NINJ2: variants seen among roughly 807,000 people sequenced by gnomAD.
NINJ2 encodes ninjurin 2, also known as ninjurin-2.
A neutral mutation model predicts 11.7 loss-of-function variants in NINJ2; 12 were observed. The ratio of observed to expected loss-of-function variants is 1.02; its 90% CI spans 0.66 to 1.66. The LOEUF (loss-of-function observed/expected upper bound fraction) is 1.66, where lower values mean the gene tolerates loss of function less well. Ranked by LOEUF, NINJ2 falls within the 40% of genes most tolerant of loss-of-function variation. The pLI, the probability that NINJ2 is intolerant of heterozygous loss-of-function variation, is 0.00. For missense variants in NINJ2, 187 were observed against 181.8 expected, an observed-to-expected ratio of 1.03 and a Z score of -0.16; for synonymous variants, 93 against 76.8, an observed-to-expected ratio of 1.21 and a Z score of -1.10.
In NINJ2 at chr12:663,434, G is replaced by A. The variant is rs552805082; in HGVS notation, c.-74C>T. On this transcript the variant is annotated 5_prime_UTR_variant, in exon 1 of 4. In the 5' UTR this introduces an upstream ATG that the reference lacks. Transcript: ENST00000305108. ...TGCGTGGGCTCCTCCAGGCTCCGCC[G>A]TCTGAGTCTCTGCTGCTTTCTTCGG... is the stretch of plus-strand genomic sequence containing the variant. 19 of 1,613,978 alleles carry A rather than the reference G, an allele frequency of 1.2e-5. No individual in the cohort carries two copies. The East Asian group carries it at 1.6e-4, about 13-fold the overall frequency.
At chr12:565,769 G>C in intron 2 of NINJ2, 181 bp downstream of exon 2, 1 of 679,992 alleles carries the variant, frequency 1.5e-6, no homozygotes. Flanking sequence ...AGGACAGGGC[G>C]CCTGCCCTCG....
intron 1 of NINJ2, among the ~76,000 whole-genome samples, chr12:641,620 G>A (rs1332243087): frequency 6.6e-6 from 1 of 152,094 alleles, no homozygotes; most frequent in African/African-American, 2.4e-5. Flanking sequence ...CGAGGCAGGC[G>A]GATCACAAGG....
intron 1 of NINJ2, among the ~76,000 whole-genome samples, chr12:648,160 G>A (rs1254591500): frequency 1.3e-5 from 2 of 152,032 alleles, no homozygotes; most frequent in African/African-American, 4.8e-5. Flanking sequence ...TGCAACCTCC[G>A]CCTCCTGAGT....
In NINJ2 at chr12:632,232, T is replaced by C. The variant is rs947655311; in HGVS notation, c.33+31096A>G. On this transcript the variant is annotated intron_variant, in intron 1 of 3. Coordinates refer to ENST00000305108, the MANE Select transcript of NINJ2 (RefSeq NM_016533.6). ...CTTAAAGTCCTAACCAGCCCCAGGG[T>C]GTCTGAGGCACGCTGGTAAGTAGAA... 3 of 152,202 alleles carry C rather than the reference T, an allele frequency of 2.0e-5. No individual in the cohort carries two copies. In the East Asian group the frequency reaches 5.8e-4, roughly 29 times the overall value. 9.4% of individuals were successfully genotyped at this position (152,202 alleles called of 1,614,324 possible).
chr12:584,268 G>A (rs1474815620), intron 1 of NINJ2, among the ~76,000 whole-genome samples: 1 of 152,178 alleles, frequency 6.6e-6, no homozygotes, highest in Admixed American at 6.5e-5. Context: ...GGCCAGGTGC[G>A]GTGGCTCACA....
At chr12:568,525 G>A (rs1947332000) in intron 1 of NINJ2, among the ~76,000 whole-genome samples, 1 of 152,202 alleles carries the variant, frequency 6.6e-6, no homozygotes, top group Admixed American at 6.5e-5. Flanking sequence ...CACCTGCTCT[G>A]ATGGAATCCA....
rs144531728 is a variant in NINJ2 at position 651,510 on chromosome 12, C to G, written c.33+11818G>C. ...CACATTTTACCACCACATACTAAGG[C>G]CTATTTATGGCAGTTCCTTTTGCCT... On this transcript the variant is annotated intron_variant, in intron 1 of 3. Coordinates refer to ENST00000305108, the MANE Select transcript of NINJ2 (RefSeq NM_016533.6). Among the ~76,000 whole-genome samples the G allele has an allele frequency of 4.2e-3, 642 of 152,256 alleles. 5 individuals are homozygous for G. The highest frequency in any genetic ancestry group is 0.014 in the African/African-American group (594 of 41,526).
intron 1 of NINJ2, chr12:589,622 C>T (rs891912253): frequency 1.1e-4 from 16 of 152,182 alleles, no homozygotes; most frequent in African/African-American, 3.6e-4. Flanking sequence ...AAGACATCAT[C>T]CTGTTACAAT....
At chr12:652,425 G>C (rs947657131) in intron 1 of NINJ2, among the ~76,000 whole-genome samples, 1 of 152,134 alleles carries the variant, frequency 6.6e-6, no homozygotes, top group African/African-American at 2.4e-5. Flanking sequence ...ATTGAAAGAA[G>C]TTCTTTAGAA....
chr12:600,213 G>C, intron 1 of NINJ2, among the ~76,000 whole-genome samples: 1 of 152,150 alleles, frequency 6.6e-6, no homozygotes, highest in Non-Finnish European at 1.5e-5. Context: ...GGCTATGAGG[G>C]GAAAAGGTGG....
chr12:572,274 C>A (rs537396258), intron 1 of NINJ2, among the ~76,000 whole-genome samples: 1 of 152,328 alleles, frequency 6.6e-6, no homozygotes, highest in South Asian at 2.1e-4. Context: ...TTCCTGCCAG[C>A]CCTGAGAACA....
At chr12:644,481 G>T (rs1300907611) in intron 1 of NINJ2, 1 of 152,218 alleles carries the variant, frequency 6.6e-6, no homozygotes, top group Non-Finnish European at 1.5e-5. Context: ...TAAATAGACT[G>T]CAGGGCAAGG....
intron 1 of NINJ2, among the ~76,000 whole-genome samples, chr12:659,643 G>A (rs770851700): frequency 6.6e-6 from 1 of 152,178 alleles, no homozygotes; most frequent in Non-Finnish European, 1.5e-5. Context: ...AGTGCTGTGC[G>A]CCACTCTTCA....
intron 1 of NINJ2, among the ~76,000 whole-genome samples, chr12:627,084 C>CA (rs1158720667): frequency 2.0e-5 from 3 of 150,942 alleles, no homozygotes; most frequent in South Asian, 2.1e-4. Flanking sequence ...GACCCCATCT[C>CA]AAAAAAAAAT....
chr12:586,495 C>A (rs1264592644), intron 1 of NINJ2: 2 of 152,292 alleles, frequency 1.3e-5, no homozygotes, highest in African/African-American at 2.4e-5. Flanking sequence ...CAGGGAACAG[C>A]GCAAAATACA....
chr12:660,605 C>T (rs1476633804), intron 1 of NINJ2, among the ~76,000 whole-genome samples: 1 of 152,006 alleles, frequency 6.6e-6, no homozygotes, highest in Non-Finnish European at 1.5e-5. Flanking sequence ...TCCCAAAGTG[C>T]TGGGGTTACA....
chr12:581,116 T>C lies in NINJ2; in HGVS notation c.34-14938A>G, dbSNP rs1314815055. 6.6e-6 allele frequency among the ~76,000 whole-genome samples: 1 copy of C among 151,080 alleles called. No homozygotes were observed. Among genetic ancestry groups the C allele is most frequent in the Non-Finnish European group, 1.5e-5 (1 of 67,536 alleles). Reference sequence around the variant, plus strand: ...ATGTGTCTCTGTGTGTCTGTGTCTGTGTGTGCGTGTCTCTGTGCCTCTGTG... The same window carrying C: ...ATGTGTCTCTGTGTGTCTGTGTCTGCGTGTGCGTGTCTCTGTGCCTCTGTG... On this transcript the variant is annotated intron_variant, in intron 1 of 3. Coordinates refer to ENST00000305108, the MANE Select transcript of NINJ2 (RefSeq NM_016533.6). The surrounding 1 kb of genome is among the most constrained non-coding windows in gnomAD (Gnocchi z 4.9).
At chr12:608,532 C>A (rs998924092) in intron 1 of NINJ2, among the ~76,000 whole-genome samples, 1 of 152,204 alleles carries the variant, frequency 6.6e-6, no homozygotes, top group Non-Finnish European at 1.5e-5. Flanking sequence ...TGAGATTACA[C>A]AACTAGCAAA....
chr12:661,071 T>G (rs1937951437), intron 1 of NINJ2, among the ~76,000 whole-genome samples: 1 of 143,710 alleles, frequency 7.0e-6, no homozygotes, highest in African/African-American at 2.6e-5. Flanking sequence ...TTGTTTTAAC[T>G]AAAGAGTGTT....
Sources: allele counts gnomAD v4.1 joint callset (sites outside exome capture counted in the v4.1 genomes callset), GRCh38; gene constraint gnomAD v4.1.1; non-coding constraint Gnocchi (gnomAD v3.1); transcripts MANE v1.5; gene names NCBI Gene and HGNC (gene_info 2026-07-23, HGNC 2026-07-21).